The following ZFHX3 variants were observed in gnomAD, a reference collection of about 807,000 sequenced individuals.
The protein encoded by ZFHX3 is zinc finger homeobox protein 3.
Under a neutral mutation model 279.1 loss-of-function variants are expected in ZFHX3, and 42 were observed. The ratio of observed to expected loss-of-function variants is 0.15; its 90% CI spans 0.12 to 0.19. The LOEUF (loss-of-function observed/expected upper bound fraction) is 0.19, where lower values mean the gene tolerates loss of function less well. Ranked by LOEUF, ZFHX3 falls within the 10% of genes least tolerant of loss-of-function variation. ZFHX3 has a pLI of 1.00. For missense variants in ZFHX3, 4,981 were observed against 4,754.0 expected (o/e 1.05, Z -1.40); for synonymous variants, 2,293 against 1,957.8 (o/e 1.17, Z -4.52).
chr16:73,843,028 T>C (rs138170585), intron 1 of ZFHX3, among the ~76,000 whole-genome samples: 1 of 152,378 alleles, frequency 6.6e-6, no homozygotes, highest in Non-Finnish European at 1.5e-5. Flanking sequence ...TAAAGGACTG[T>C]CTGATTTCTT....
chr16:73,233,008 T>C (rs555569042), intron 5 of ZFHX3: 5 of 144,698 alleles, frequency 3.5e-5, no homozygotes, highest in Admixed American at 2.8e-4. Flanking sequence ...GGGGTAGTGG[T>C]GGTGGTAGAG....
chr16:73,265,535 T>G (rs1432037414), intron 4 of ZFHX3, among the ~76,000 whole-genome samples: 3 of 152,192 alleles, frequency 2.0e-5, no homozygotes, highest in Non-Finnish European at 4.4e-5. Context: ...TAAGCTGAGA[T>G]GCATTGACCA....
chr16:73,464,916 G>T (rs931950566), intron 2 of ZFHX3, among the ~76,000 whole-genome samples: 1 of 152,136 alleles, frequency 6.6e-6, no homozygotes, highest in African/African-American at 2.4e-5. Context: ...CCCTTGGAAG[G>T]CCTGGACACA....
intron 1 of ZFHX3, among the ~76,000 whole-genome samples, chr16:73,694,479 G>A (rs1056756568): frequency 6.6e-6 from 1 of 151,980 alleles, no homozygotes; most frequent in African/African-American, 2.4e-5. Flanking sequence ...GAGTAGCTGG[G>A]GCTACAGACG....
intron 2 of ZFHX3, among the ~76,000 whole-genome samples, chr16:73,478,473 C>G (rs2018808712): frequency 6.6e-6 from 1 of 151,998 alleles, no homozygotes; most frequent in South Asian, 2.1e-4. Context: ...GTGACACATC[C>G]AAAGTGGACA....
chr16:73,303,934 A>G (rs1204723975), intron 4 of ZFHX3, among the ~76,000 whole-genome samples: 11 of 147,396 alleles, frequency 7.5e-5, no homozygotes, highest in South Asian at 2.2e-4. Context: ...TGCTCACCCA[A>G]TCTGATGGAG....
intron 3 of ZFHX3, among the ~76,000 whole-genome samples, chr16:73,335,817 C>T (rs1028786352): frequency 2.0e-5 from 3 of 152,188 alleles, no homozygotes; most frequent in African/African-American, 7.2e-5. Context: ...GGAAGCAAAA[C>T]TGCATTTCAT....
intron 2 of ZFHX3, among the ~76,000 whole-genome samples, chr16:73,596,928 C>T (rs1486740626): frequency 1.3e-5 from 2 of 151,740 alleles, no homozygotes; most frequent in African/African-American, 4.9e-5. Context: ...CCTAAAGCAC[C>T]TCTCTTAAAA....
In ZFHX3 at chr16:73,621,092, A is replaced by G. The variant is rs560189453; in HGVS notation, c.-1547+59088T>C. Reference sequence around the variant, plus strand: ...TAGTGGTCTAGCACCAACGGCCATTACTGAGGAAGAGGTCTTGGGGAGGAA... The same window carrying G: ...TAGTGGTCTAGCACCAACGGCCATTGCTGAGGAAGAGGTCTTGGGGAGGAA... On this transcript the variant is annotated intron_variant, in intron 2 of 17. Coordinates refer to the ZFHX3 transcript ENST00000641206. Among the ~76,000 whole-genome samples, 3 of 152,342 alleles carry G rather than the reference A, an allele frequency of 2.0e-5. No homozygotes were observed. In the South Asian group the frequency reaches 6.2e-4, roughly 32 times the overall value.
Position 73,616,674 on chromosome 16 carries a change from CAAGA to C in ZFHX3, c.-1547+63502_-1547+63505del, listed in dbSNP as rs771439231. ...TAAATGTAAATATTGGTTTACTTCA[CAAGA>C]AAGAAAGAAAGAATGGGAAAAGAAA... On this transcript the variant is annotated intron_variant, in intron 2 of 17. Coordinates refer to the ZFHX3 transcript ENST00000641206. Among the ~76,000 whole-genome samples, 71 of 151,886 alleles carry C rather than the reference CAAGA, an allele frequency of 4.7e-4. 1 individual carries two copies. The highest frequency in any genetic ancestry group is 1.0e-3 in the South Asian group (5 of 4,806).
intron 1 of ZFHX3, among the ~76,000 whole-genome samples, chr16:73,795,815 C>A (rs530831773): frequency 1.3e-5 from 2 of 152,326 alleles, no homozygotes; most frequent in Admixed American, 1.3e-4. Flanking sequence ...GACTGAAATA[C>A]AAATTCTGCC....
At chr16:73,253,383 A>G (rs988143225) in intron 5 of ZFHX3, among the ~76,000 whole-genome samples, 6 of 152,116 alleles carry the variant, frequency 3.9e-5, no homozygotes, top group Non-Finnish European at 7.4e-5. Flanking sequence ...AGGAACCCTG[A>G]GGACCACCTG....
intron 3 of ZFHX3, among the ~76,000 whole-genome samples, chr16:72,928,100 T>TG (rs1465534914): frequency 2.5e-5 from 2 of 79,194 alleles, no homozygotes; most frequent in African/African-American, 4.8e-5. Context: ...ATGTGGAGGA[T>TG]GGGGGGAGGG....
chr16:73,366,352 T>C (rs774873883), intron 3 of ZFHX3, among the ~76,000 whole-genome samples: 2 of 152,198 alleles, frequency 1.3e-5, no homozygotes, highest in Middle Eastern at 3.4e-3. Flanking sequence ...AAAAGGCTCA[T>C]GATGTAATAC....
intron 6 of ZFHX3, 59 bp from the exon 7 acceptor site, chr16:72,811,836 A>G: frequency 2.4e-6 from 2 of 818,892 alleles, no homozygotes; most frequent in South Asian, 2.8e-5. Context: ...CCGCCCACCC[A>G]AAAGTTTGTT....
intron 1 of ZFHX3, among the ~76,000 whole-genome samples, chr16:73,012,164 T>C (rs915404171): frequency 2.0e-5 from 3 of 152,318 alleles, no homozygotes; most frequent in Non-Finnish European, 4.4e-5. Context: ...ATCTCAAGTC[T>C]TCCAACACCA....
intron 3 of ZFHX3, among the ~76,000 whole-genome samples, chr16:72,933,076 G>A (rs1959909696): frequency 6.6e-6 from 1 of 152,038 alleles, no homozygotes; most frequent in East Asian, 1.9e-4. Flanking sequence ...CTAGTCTGCA[G>A]CACCCACTGA....
chr16:73,885,867 G>T (rs116279257), intron 1 of ZFHX3, among the ~76,000 whole-genome samples: 1 of 151,952 alleles, frequency 6.6e-6, no homozygotes, highest in African/African-American at 2.4e-5. Flanking sequence ...ATGCACCCAC[G>T]CCCATCAAAA....
intron 1 of ZFHX3, among the ~76,000 whole-genome samples, chr16:73,821,094 C>T (rs2142348665): frequency 6.6e-6 from 1 of 152,280 alleles, no homozygotes; most frequent in South Asian, 2.1e-4. Context: ...GATTCAAAAA[C>T]AGTCTGACAC....
Sources: gnomAD v4.1 joint callset for allele counts (sites outside exome capture counted in the v4.1 genomes callset) on GRCh38, gnomAD v4.1.1 for gene constraint, MANE v1.5 for transcripts, NCBI Gene and HGNC (gene_info 2026-07-23, HGNC 2026-07-21) for gene names.